Variants in PARN observed in about 807,000 individuals in gnomAD.
PARN encodes the protein poly(A)-specific ribonuclease PARN.
In PARN, 71 loss-of-function variants were observed where a neutral mutation model predicts 102.8. The ratio of observed to expected loss-of-function variants is 0.69; its 90% CI spans 0.57 to 0.84. The LOEUF (loss-of-function observed/expected upper bound fraction) is 0.84, where lower values mean the gene tolerates loss of function less well. PARN is among the 40% of genes least tolerant of loss of function. The pLI, the probability that PARN is intolerant of heterozygous loss-of-function variation, is 0.00. For synonymous variants in PARN, 261 were observed against 252.9 expected (o/e 1.03, Z -0.30); for missense variants, 782 against 760.9 (o/e 1.03, Z -0.33).
intron 21 of PARN, among the ~76,000 whole-genome samples, chr16:14,496,840 TAATAC>T (rs1964341174): frequency 6.6e-6 from 1 of 152,230 alleles, no homozygotes; most frequent in Admixed American, 6.5e-5. Context: ...TCTCTAATCC[TAATAC>T]ATTATTCTAT....
intron 22 of PARN, among the ~76,000 whole-genome samples, chr16:14,475,180 C>A (rs1428110613): frequency 1.3e-5 from 2 of 152,236 alleles, no homozygotes; most frequent in Non-Finnish European, 2.9e-5. Flanking sequence ...AACCAAAGGG[C>A]ATGACTGATT....
intron 23 of PARN, among the ~76,000 whole-genome samples, chr16:14,440,640 C>A (rs1596419196): frequency 6.6e-6 from 1 of 152,164 alleles, no homozygotes; most frequent in Middle Eastern, 3.2e-3. Flanking sequence ...AATAGTGATA[C>A]CTGTATACAG....
intron 21 of PARN, among the ~76,000 whole-genome samples, chr16:14,505,425 G>C (rs1964843498): frequency 6.6e-6 from 1 of 152,098 alleles, no homozygotes; most frequent in African/African-American, 2.4e-5. Context: ...AAGCTGGAGG[G>C]TGCTATAATC....
At chr16:14,593,420 A>C (rs1242586963) in intron 12 of PARN, 42 bp from the exon 13 acceptor site, 4 of 914,172 alleles carry the variant, frequency 4.4e-6, no homozygotes, top group Non-Finnish European at 7.1e-6. Flanking sequence ...CTACATTCGA[A>C]ATTATACTGG....
chr16:14,508,602 T>C (rs1329870097), intron 21 of PARN, among the ~76,000 whole-genome samples: 1 of 151,946 alleles, frequency 6.6e-6, no homozygotes, highest in African/African-American at 2.4e-5. Flanking sequence ...AAAATAACTA[T>C]AGGCTTAAGG....
chr16:14,600,062 G>T, intron 11 of PARN, 102 bp from the exon 12 acceptor site: 1 of 620,756 alleles, frequency 1.6e-6, no homozygotes, highest in Non-Finnish European at 2.7e-6. Context: ...TTTGTATCAA[G>T]TTAGATAGCT....
At chr16:14,477,806 G>A (rs969123171) in intron 22 of PARN, among the ~76,000 whole-genome samples, 10 of 151,662 alleles carry the variant, frequency 6.6e-5, no homozygotes, top group Non-Finnish European at 1.5e-4. Context: ...GGAAAAGGGG[G>A]AAGGGAAGGG....
At chr16:14,525,032 C>T (rs1965924106) in intron 21 of PARN, among the ~76,000 whole-genome samples, 1 of 152,164 alleles carries the variant, frequency 6.6e-6, no homozygotes. Context: ...ACAGAAACAA[C>T]TACTACTACT....
At chr16:14,441,444 C>G (rs1960936078) in intron 23 of PARN, among the ~76,000 whole-genome samples, 1 of 152,220 alleles carries the variant, frequency 6.6e-6, no homozygotes, top group Admixed American at 6.5e-5. Flanking sequence ...AGAAGCTGCA[C>G]AGGACACTGG....
chr16:14,572,218 T>C (rs1486888849), intron 18 of PARN, among the ~76,000 whole-genome samples: 1 of 151,958 alleles, frequency 6.6e-6, no homozygotes, highest in Non-Finnish European at 1.5e-5. Context: ...ACACACGGGG[T>C]CCCTTAACAA....
chr16:14,501,867 G>C (rs1447352144), intron 21 of PARN, among the ~76,000 whole-genome samples: 1 of 152,188 alleles, frequency 6.6e-6, no homozygotes, highest in African/African-American at 2.4e-5. Flanking sequence ...AGCCTGTTCT[G>C]TCACAACTCA....
intron 21 of PARN, among the ~76,000 whole-genome samples, chr16:14,503,784 C>T (rs1407358410): frequency 6.6e-6 from 1 of 152,206 alleles, no homozygotes; most frequent in Non-Finnish European, 1.5e-5. Flanking sequence ...TCACTTTATA[C>T]AGAAAACTGA....
chr16:14,617,379 TCTC>T (rs1971986801), intron 6 of PARN, among the ~76,000 whole-genome samples: 2 of 102,228 alleles, frequency 2.0e-5, no homozygotes, highest in African/African-American at 3.2e-5. Flanking sequence ...GCGAGACTCT[TCTC>T]AAAAAAAAAA....
At chr16:14,482,329 C>A in intron 22 of PARN, among the ~76,000 whole-genome samples, 1 of 151,896 alleles carries the variant, frequency 6.6e-6, no homozygotes, top group Non-Finnish European at 1.5e-5. Flanking sequence ...GAGGTCGAAG[C>A]TGCAGCAAGC....
At chr16:14,545,201 G>C (rs1443056795) in intron 21 of PARN, among the ~76,000 whole-genome samples, 2 of 152,122 alleles carry the variant, frequency 1.3e-5, no homozygotes, top group African/African-American at 4.8e-5. Flanking sequence ...TCAAAAAAAG[G>C]ATGCAGGATA....
intron 21 of PARN, among the ~76,000 whole-genome samples, chr16:14,525,078 G>C (rs1965927504): frequency 6.6e-6 from 1 of 152,190 alleles, no homozygotes; most frequent in Non-Finnish European, 1.5e-5. Context: ...CCTTGTTTCA[G>C]TTTGTCTGAA....
chr16:14,593,655 C>T (rs1596788250), intron 12 of PARN, among the ~76,000 whole-genome samples: 1 of 151,802 alleles, frequency 6.6e-6, no homozygotes, highest in Non-Finnish European at 1.5e-5. Context: ...AATTATGCCA[C>T]CCTCATGAAT....
At chr16:14,608,245 C>A (rs764999171) in intron 9 of PARN, 36 bp downstream of exon 9, 72 of 1,437,032 alleles carry the variant, frequency 5.0e-5, no homozygotes, top group Admixed American at 6.8e-5. Context: ...ATCCTGGGTC[C>A]CCCACAGAGC....
At chr16:14,478,986 T>C (rs1032989579) in intron 22 of PARN, among the ~76,000 whole-genome samples, 2 of 152,148 alleles carry the variant, frequency 1.3e-5, no homozygotes, top group East Asian at 1.9e-4. Flanking sequence ...GCCAGGCTGG[T>C]CTTGAACTCC....
Sources: allele counts gnomAD v4.1 joint callset (sites outside exome capture counted in the v4.1 genomes callset), GRCh38; gene constraint gnomAD v4.1.1; transcripts MANE v1.5; gene names NCBI Gene and HGNC (gene_info 2026-07-23, HGNC 2026-07-21).